SACS: variants seen among roughly 807,000 people sequenced by gnomAD.
The protein encoded by SACS is sacsin molecular chaperone, also known as sacsin.
A neutral mutation model predicts 348.0 loss-of-function variants in SACS; 197 were observed. The observed-to-expected ratio is 0.57, with a 90% confidence interval of 0.50 to 0.64. The LOEUF is 0.64. SACS is among the 30% of genes least tolerant of loss of function. The pLI, the probability that SACS is intolerant of heterozygous loss-of-function variation, is 0.00. For missense variants in SACS, 4,999 were observed against 5,360.8 expected (o/e 0.93, Z 2.11); for synonymous variants, 1,985 against 1,910.6 (o/e 1.04, Z -1.02).
chr13:23,330,447 ATT>A lies in SACS; in HGVS notation c.13427_13428del (p.Lys4476MetfsTer13). On this transcript the variant is annotated frameshift_variant, in exon 10 of 10. Transcript: ENST00000382292. LOFTEE classifies it high-confidence loss of function. ...HKNANEWVCF[K>X]CYLSTKLALI... ...AAAGCTAACTTGGTAGAAAGGTAAC[ATT>A]TAAAGCACACCCACTCATTGGCATT... 6.2e-7 allele frequency: 1 copy of A among 1,614,228 alleles called. No homozygotes were observed. Among genetic ancestry groups the A allele is most frequent in the Non-Finnish European group, 8.5e-7 (1 of 1,180,028 alleles).
Position 23,355,768 on chromosome 13 carries a change from G to T in SACS, c.844C>A (p.Leu282Ile). ...RFPLRLQPSQ[L>I]SSNLYNKQKV... ...TGCTTATTGTAGAGGTTACTACTAA[G>T]TTGTGAAGGTTGTAGGCGAAGAGGG... Residue 282 changes from leucine to isoleucine, a missense_variant, in exon 8 of 10, where the codon CTT (leucine) becomes ATT (isoleucine). Leu to Ile is a conservative substitution (Grantham distance 5, BLOSUM62 2). This residue lies in a region of SACS where 3,156 missense variants were observed against 3,380.1 expected (regional missense o/e 0.93). Transcript: ENST00000382292. 6.2e-7 allele frequency: 1 copy of T among 1,614,206 alleles called. No individual in the cohort carries two copies. The highest frequency in any genetic ancestry group is 8.5e-7 in the Non-Finnish European group (1 of 1,180,042).
At chr13:23,377,678 A>ACTCCTCC (rs1193905098) in intron 2 of SACS, among the ~76,000 whole-genome samples, 1 of 151,002 alleles carries the variant, frequency 6.6e-6, no homozygotes, top group Admixed American at 6.6e-5. Flanking sequence ...CCCGGTACCC[A>ACTCCTCC]CTCCTCCTTC....
chr13:23,341,314 T>A lies in SACS; in HGVS notation c.2562A>T (p.Lys854Asn), dbSNP rs879421228. 4 of 1,606,852 alleles carry A rather than the reference T, an allele frequency of 2.5e-6. No homozygotes were observed. The highest frequency in any genetic ancestry group is 3.4e-6 in the Non-Finnish European group (4 of 1,175,844). ...VQKLGGFVLKKLDASIQHPLI... is the reference protein window; with the variant it reads ...VQKLGGFVLKNLDASIQHPLI... ...GCGGATGTTGTATAGATGCATCTAA[T>A]TTTTTAAGGACAAACCCTCCAAGTT... Residue 854 changes from lysine (K) to asparagine (N), a missense_variant, in exon 10 of 10, where the codon AAA becomes AAT. By Grantham distance (94) the Lys-to-Asn change is moderately conservative (BLOSUM62 0). This residue lies in a region of SACS where 3,156 missense variants were observed against 3,380.1 expected (regional missense o/e 0.93). Coordinates refer to ENST00000382292, the MANE Select transcript of SACS (RefSeq NM_014363.6).
rs370579192 is a variant in SACS, at chr13:23,333,152, T to A, written c.10724A>T (p.His3575Leu). 1.9e-6 allele frequency: 3 copies of A among 1,612,196 alleles called. No individual in the cohort carries two copies. The highest frequency in any genetic ancestry group is 2.5e-6 in the Non-Finnish European group (3 of 1,179,256). The change falls in exon 10 of 10, where the codon CAT (histidine) becomes CTT (leucine). Residue 3575 changes from histidine to leucine, a missense_variant. Coordinates refer to ENST00000382292, the MANE Select transcript of SACS (RefSeq NM_014363.6). Reference protein sequence around the residue: ...KLEQLIKPKNHVTFMTSWVEF... With the variant: ...KLEQLIKPKNLVTFMTSWVEF... Reference sequence around the variant, plus strand: ...CACCCAGGATGTCATAAATGTAACATGATTTTTGGGTTTTATAAGTTGTTC... The same window carrying A: ...CACCCAGGATGTCATAAATGTAACAAGATTTTTGGGTTTTATAAGTTGTTC...
At chr13:23,367,141 A>G (rs1025127953) in intron 5 of SACS, among the ~76,000 whole-genome samples, 2 of 152,160 alleles carry the variant, frequency 1.3e-5, no homozygotes, top group Admixed American at 1.3e-4. Flanking sequence ...AATGTATTCT[A>G]TTCACTTCTT....
At chr13:23,364,454 T>C (rs1394647028) in intron 6 of SACS, among the ~76,000 whole-genome samples, 1 of 152,234 alleles carries the variant, frequency 6.6e-6, no homozygotes, top group Non-Finnish European at 1.5e-5. Flanking sequence ...CTAATTTTTA[T>C]ATTTTTAGTA....
At chr13:23,430,670 C>G (rs1443620235) in intron 1 of SACS, among the ~76,000 whole-genome samples, 1 of 152,148 alleles carries the variant, frequency 6.6e-6, no homozygotes, top group Non-Finnish European at 1.5e-5. Context: ...TAAATGATCA[C>G]CAATAATTAT....
intron 1 of SACS, among the ~76,000 whole-genome samples, chr13:23,423,261 A>G (rs1352268005): frequency 6.6e-6 from 1 of 152,210 alleles, no homozygotes; most frequent in African/African-American, 2.4e-5. Context: ...ATCCCTAATA[A>G]CTAGAAACAA....
intron 9 of SACS, among the ~76,000 whole-genome samples, chr13:23,348,028 AGACCC>A (rs1869724289): frequency 6.6e-6 from 1 of 152,226 alleles, no homozygotes; most frequent in Admixed American, 6.5e-5. Context: ...ATTATAAATA[AGACCC>A]GACACCAAGC....
chr13:23,365,044 G>T, intron 6 of SACS, 122 bp downstream of exon 6: 1 of 648,156 alleles, frequency 1.5e-6, no homozygotes, highest in South Asian at 2.2e-5. Context: ...ATCTGAAGAA[G>T]TGGACATAAA....
Position 23,341,225 on chromosome 13 carries a change from G to T in SACS, c.2651C>A (p.Pro884Gln), listed in dbSNP as rs1381687238. Residue 884 changes from proline to glutamine, a missense_variant, in exon 10 of 10, where the codon CCA becomes CAA. Coordinates refer to ENST00000382292, the MANE Select transcript of SACS (RefSeq NM_014363.6). The part of the protein sequence containing the change: ...SAVLQIMEKM[P>Q]LQKLCNQITS... ...TATTTGATTACACAATTTCTGCAAT[G>T]GCATCTTCTCCATTATCTGCAAAAC... 1.9e-6 allele frequency: 3 copies of T among 1,613,884 alleles called. No homozygotes were observed. In the African/African-American group the frequency reaches 4.0e-5, roughly 22 times the overall value.
Position 23,354,950 on chromosome 13 carries a change from G to T in SACS, c.1662C>A (p.Ser554Arg), listed in dbSNP as rs185812845. ...AAATCACTGCATTCTGCAACAGCTC[G>T]CTGAATAGAGGCTCTAACACCGGTT... ...HWQPVLEPLFSELLQNAVIYS... is the reference protein window; with the variant it reads ...HWQPVLEPLFRELLQNAVIYS... Residue 554 changes from serine (S) to arginine (R), a missense_variant, in exon 8 of 10, where the codon AGC becomes AGA. Transcript: ENST00000382292. 2 of 1,614,070 alleles carry T rather than the reference G, an allele frequency of 1.2e-6. No individual in the cohort carries two copies. Among genetic ancestry groups the T allele is most frequent in the South Asian group, 2.2e-5 (2 of 91,090 alleles).
At chr13:23,398,885 A>T (rs748629426) in intron 2 of SACS, among the ~76,000 whole-genome samples, 8 of 151,110 alleles carry the variant, frequency 5.3e-5, no homozygotes, top group Non-Finnish European at 8.9e-5. Flanking sequence ...ATACAAAAAA[A>T]AATTAGCTGG....
At chr13:23,382,770 G>T (rs1872112880) in intron 2 of SACS, among the ~76,000 whole-genome samples, 1 of 148,530 alleles carries the variant, frequency 6.7e-6, no homozygotes, top group African/African-American at 2.5e-5. Flanking sequence ...GTTTTGTTTT[G>T]TGTGTGTGTG....
At chr13:23,362,476 G>A (rs1481491102) in intron 6 of SACS, among the ~76,000 whole-genome samples, 1 of 151,802 alleles carries the variant, frequency 6.6e-6, no homozygotes, top group Non-Finnish European at 1.5e-5. Flanking sequence ...CTGAATGCAA[G>A]AGAAAGATAT....
intron 1 of SACS, among the ~76,000 whole-genome samples, chr13:23,426,256 C>T (rs559476139): frequency 9.0e-4 from 137 of 152,290 alleles, no homozygotes; most frequent in African/African-American, 3.2e-3. Flanking sequence ...CTTACACAGC[C>T]TCAGGAAGTC....
Position 23,333,700 on chromosome 13 carries a change from G to C in SACS, c.10176C>G (p.Asn3392Lys). ...NDFEALLMYF[N>K]CNLNHLMSQD... ...GGGACATCAAATGATTCAAATTGCA[G>C]TTGAAATACATCAAAAGTGCCTCAA... The change falls in exon 10 of 10, where the codon AAC (asparagine) becomes AAG (lysine). Residue 3392 changes from asparagine (N) to lysine (K), a missense_variant. Physicochemically the swap from Asn to Lys is moderately conservative, Grantham distance 94. Transcript: ENST00000382292. 6.2e-7 allele frequency: 1 copy of C among 1,613,712 alleles called. No individual in the cohort carries two copies.
At chr13:23,431,815 G>A (rs1300350331) in intron 1 of SACS, among the ~76,000 whole-genome samples, 1 of 152,170 alleles carries the variant, frequency 6.6e-6, no homozygotes, top group Non-Finnish European at 1.5e-5. Flanking sequence ...GTACTGATCA[G>A]GACTCATTCA....
chr13:23,331,225 A>C lies in SACS; in HGVS notation c.12651T>G (p.Asn4217Lys). The change falls in exon 10 of 10, where the codon AAT becomes AAG. Residue 4217 changes from asparagine to lysine, a missense_variant. Around this residue, in one of 6 missense-constraint regions of SACS, gnomAD observed 831 missense variants for 941.8 expected, o/e 0.88. Coordinates refer to ENST00000382292, the MANE Select transcript of SACS (RefSeq NM_014363.6). ...GATATATCTTTCCTAGAAAACTAGA[A>C]TTGTCAGCATCTTCTCTTTCAACTT... is the stretch of plus-strand genomic sequence containing the variant. ...VQEVEREDADNSSFLGKIYQI... is the reference protein window; with the variant it reads ...VQEVEREDADKSSFLGKIYQI... The C allele has an allele frequency of 1.2e-6, 2 of 1,613,918 alleles. No individual in the cohort carries two copies. The highest frequency in any genetic ancestry group is 1.7e-6 in the Non-Finnish European group (2 of 1,179,878).
Sources: gnomAD v4.1 joint callset for allele counts (sites outside exome capture counted in the v4.1 genomes callset) on GRCh38, gnomAD v4.1.1 for gene constraint, gnomAD v4.1.1 regional missense constraint, MANE v1.5 for transcripts, NCBI Gene and HGNC (gene_info 2026-07-23, HGNC 2026-07-21) for gene names.